PRKX: variants seen among roughly 807,000 people sequenced by gnomAD.
The protein encoded by PRKX is cAMP-dependent protein kinase catalytic subunit PRKX.
In PRKX, 12 loss-of-function variants were observed where a neutral mutation model predicts 22.0. The ratio of observed to expected loss-of-function variants is 0.54; its 90% CI spans 0.35 to 0.88. The LOEUF (loss-of-function observed/expected upper bound fraction) is 0.88. PRKX is among the 40% of genes least tolerant of loss of function. The pLI, the probability that PRKX is intolerant of heterozygous loss-of-function variation, is 0.01. For missense variants in PRKX, 217 were observed against 308.0 expected, an observed-to-expected ratio of 0.70 and a Z score of 2.21; for synonymous variants, 134 against 137.7, an observed-to-expected ratio of 0.97 and a Z score of 0.19.
At chrX:3,689,721 T>C (rs1347350243) in intron 1 of PRKX, among the ~76,000 whole-genome samples, 2 of 111,657 alleles carry the variant, frequency 1.8e-5, no homozygotes, top group African/African-American at 3.3e-5. Flanking sequence ...CTCACACCTG[T>C]AATCCCAACA....
At position 3,713,256 on chromosome X, in the gene PRKX, G is replaced by T; in HGVS notation, c.-3C>A. On this transcript the variant is annotated 5_prime_UTR_variant, in exon 1 of 9. Coordinates refer to ENST00000262848, the MANE Select transcript of PRKX (RefSeq NM_005044.5). The stretch of plus-strand genomic sequence containing the variant: ...TGGGCCAGCCCGGGCGCCTCCATGG[G>T]GACGCACTCAGGTCCGGGGCACCGG... 1 of 1,032,453 alleles carries T rather than the reference G, an allele frequency of 9.7e-7. No individual in the cohort carries two copies. Among genetic ancestry groups the T allele is most frequent in the Non-Finnish European group, 1.2e-6 (1 of 817,405 alleles). The allele number at this position is 1,032,453 out of a possible 1,213,427, so 85.1% of individuals were successfully genotyped here.
At chrX:3,653,605 A>C (rs1275601578) in intron 3 of PRKX, among the ~76,000 whole-genome samples, 1 of 78,703 alleles carries the variant, frequency 1.3e-5, no homozygotes, top group Non-Finnish European at 2.4e-5. Context: ...ATTATATACT[A>C]TGTAATATAT....
rs772631738 is a variant in PRKX, at chrX:3,617,732, A to T, written c.874-1840T>A. Among the ~76,000 whole-genome samples the T allele has an allele frequency of 2.7e-5, 3 of 111,031 alleles. No homozygotes were observed. The East Asian group carries it at 8.5e-4, about 31-fold the overall frequency. On this transcript the variant is annotated intron_variant, in intron 6 of 8. Transcript: ENST00000262848. ...ATGATGCTTCAGTCAACAATGGATG[A>T]CATATACAGTGTTGCTCCTGTAAGA...
chrX:3,666,015 GTT>G lies in PRKX; in HGVS notation c.335+8581_335+8582del, dbSNP rs140367338. ...CAGTGTTTTGTTTTTTTTGTTTTCT[GTT>G]TTTTTTTTTTTGAGACAGAGTCTTA... On this transcript the variant is annotated intron_variant, in intron 2 of 8. Coordinates refer to ENST00000262848, the MANE Select transcript of PRKX (RefSeq NM_005044.5). Among the ~76,000 whole-genome samples the G allele has an allele frequency of 3.3e-3, 341 of 102,647 alleles. 2 individuals carry two copies. Among genetic ancestry groups the G allele is most frequent in the Middle Eastern group, 4.8e-3 (1 of 207 alleles). 89.1% of individuals were successfully genotyped at this position (102,647 alleles called of 115,157 possible).
At chrX:3,678,846 T>G (rs1928015963) in intron 1 of PRKX, among the ~76,000 whole-genome samples, 1 of 111,673 alleles carries the variant, frequency 9.0e-6, no homozygotes, top group Non-Finnish European at 1.9e-5. Context: ...ATTTGTAGCC[T>G]TCTCTGCAGC....
At chrX:3,702,351 G>A (rs2146612526) in intron 1 of PRKX, among the ~76,000 whole-genome samples, 1 of 113,057 alleles carries the variant, frequency 8.8e-6, no homozygotes, top group South Asian at 3.6e-4. Flanking sequence ...ACTCCCAAGG[G>A]AATGATTCAC....
intron 4 of PRKX, among the ~76,000 whole-genome samples, chrX:3,639,114 T>TGGGTGGGTGGATGGATGGATGGATGGAA: frequency 2.0e-3 from 1 of 491 alleles, no homozygotes; most frequent in South Asian, 0.17. Flanking sequence ...TGTGGGTGGG[T>TGGGTGGGTGGATGGATGGATGGATGGAA]GGGTGGGTGG....
chrX:3,621,742 A>C (rs1187529776), intron 5 of PRKX, among the ~76,000 whole-genome samples: 1 of 111,733 alleles, frequency 8.9e-6, no homozygotes, highest in Non-Finnish European at 1.9e-5. Context: ...TCCTGTTTTA[A>C]AAGGCTGGCT....
At chrX:3,711,675 C>G (rs1051327982) in intron 1 of PRKX, among the ~76,000 whole-genome samples, 9 of 111,226 alleles carry the variant, frequency 8.1e-5, no homozygotes, top group East Asian at 2.8e-4. Flanking sequence ...CCTTCTTCCG[C>G]GCAAAACACA....
At chrX:3,611,105 G>A (rs769732565) in intron 8 of PRKX, 13 of 111,910 alleles carry the variant, frequency 1.2e-4, no homozygotes, top group African/African-American at 1.6e-4. Flanking sequence ...TTATCTTCTC[G>A]AGGTCATAGC....
At chrX:3,642,717 G>A (rs1291319658) in intron 3 of PRKX, among the ~76,000 whole-genome samples, 1 of 109,901 alleles carries the variant, frequency 9.1e-6, no homozygotes, top group Non-Finnish European at 1.9e-5. Context: ...AACTCGCTTA[G>A]GCCGGGCATG....
In PRKX at chrX:3,612,167, A is replaced by G; in HGVS notation, c.*23+10T>C. On this transcript the variant is annotated intron_variant, in intron 8 of 8. Transcript: ENST00000262848. ...TCATTTTTTGGGAATTACTAAATAT[A>G]AAGATATACCTTCCAGATGTGAGCT... 2 of 1,188,111 alleles carry G rather than the reference A, an allele frequency of 1.7e-6. No individual in the cohort carries two copies. The highest frequency in any genetic ancestry group is 2.3e-6 in the Non-Finnish European group (2 of 883,641).
intron 1 of PRKX, among the ~76,000 whole-genome samples, chrX:3,709,078 G>A (rs185938498): frequency 2.6e-4 from 28 of 108,083 alleles, no homozygotes; most frequent in Non-Finnish European, 5.0e-4. Context: ...CAGCACTTTG[G>A]GAGGCCAAGG....
chrX:3,678,943 T>C (rs1329969026), intron 1 of PRKX, among the ~76,000 whole-genome samples: 3 of 111,803 alleles, frequency 2.7e-5, no homozygotes, highest in Non-Finnish European at 5.6e-5. Context: ...AGCTCTTTCC[T>C]TCCTGATAAG....
At chrX:3,702,438 T>C (rs1434856901) in intron 1 of PRKX, among the ~76,000 whole-genome samples, 1 of 112,009 alleles carries the variant, frequency 8.9e-6, no homozygotes, top group Admixed American at 9.5e-5. Flanking sequence ...CAAATCTCTT[T>C]GATGGGGTAC....
At chrX:3,633,629 A>G (rs111920462) in intron 4 of PRKX, among the ~76,000 whole-genome samples, 2,294 of 111,639 alleles carry the variant, frequency 0.021, 62 homozygotes, top group African/African-American at 0.07. Flanking sequence ...ATTTGCCAGT[A>G]AAATTTGAAT....
intron 8 of PRKX, 36 bp from the exon 9 acceptor site, chrX:3,608,981 C>T (rs939663790): frequency 1.1e-4 from 12 of 111,811 alleles, no homozygotes; most frequent in Admixed American, 1.0e-3. Flanking sequence ...CTGTGAGTTG[C>T]TCAGTAACTG....
intron 2 of PRKX, among the ~76,000 whole-genome samples, chrX:3,663,871 G>A (rs1158172470): frequency 2.7e-5 from 3 of 111,019 alleles, no homozygotes; most frequent in South Asian, 7.7e-4. Context: ...TCAAGTGGGC[G>A]CACACATGTA....
intron 1 of PRKX, among the ~76,000 whole-genome samples, chrX:3,694,322 A>C (rs1478956632): frequency 9.0e-6 from 1 of 110,701 alleles, no homozygotes; most frequent in African/African-American, 3.3e-5. Context: ...CGGGAGGCAG[A>C]GGTTACAGTG....
Sources: gnomAD v4.1 joint callset for allele counts (sites outside exome capture counted in the v4.1 genomes callset) on GRCh38, gnomAD v4.1.1 for gene constraint, MANE v1.5 for transcripts, NCBI Gene and HGNC (gene_info 2026-07-23, HGNC 2026-07-21) for gene names.